FBXO25: variants seen among roughly 807,000 people sequenced by gnomAD.
FBXO25 encodes the protein F-box only protein 25.
In FBXO25, 45 loss-of-function variants were observed where a neutral mutation model predicts 51.9. The observed-to-expected ratio is 0.87, with a 90% confidence interval of 0.68 to 1.11. The LOEUF (loss-of-function observed/expected upper bound fraction) is 1.11. FBXO25 is among the 50% of genes most tolerant of loss of function. The pLI, the probability that FBXO25 is intolerant of heterozygous loss-of-function variation, is 0.00. For missense variants in FBXO25, 507 were observed against 428.5 expected, an observed-to-expected ratio of 1.18 and a Z score of -1.62; for synonymous variants, 199 against 151.0, an observed-to-expected ratio of 1.32 and a Z score of -2.33.
Position 458,417 on chromosome 8 carries a change from A to T in FBXO25, c.709A>T (p.Asn237Tyr), listed in dbSNP as rs777842382. 6.2e-7 allele frequency: 1 copy of T among 1,614,184 alleles called. No individual in the cohort carries two copies. Among genetic ancestry groups the T allele is most frequent in the Non-Finnish European group, 8.5e-7 (1 of 1,180,014 alleles). The change falls in exon 8 of 10, where the codon AAC becomes TAC. Residue 237 changes from asparagine to tyrosine, a missense_variant. Asn to Tyr is a moderately radical substitution (Grantham distance 143, BLOSUM62 -2). Transcript: ENST00000350302. ...TLSDLPLHML[N>Y]NILYRFSDGW... ...CAGTGACCTTCCTCTGCACATGCTG[A>T]ACAACATCCTATACCGGTTCTCAGA...
intron 2 of FBXO25, among the ~76,000 whole-genome samples, chr8:424,665 T>C (rs1797363110): frequency 6.6e-6 from 1 of 152,212 alleles, no homozygotes; most frequent in Non-Finnish European, 1.5e-5. Flanking sequence ...AAAGATTGAA[T>C]GGTTGTAGGT....
chr8:413,650 G>A (rs1489389434), intron 2 of FBXO25, among the ~76,000 whole-genome samples: 1 of 152,114 alleles, frequency 6.6e-6, no homozygotes, highest in Non-Finnish European at 1.5e-5. Flanking sequence ...CTGTCTTGTC[G>A]CTCTGCCATC....
chr8:436,278 T>A (rs1798097785), intron 5 of FBXO25, among the ~76,000 whole-genome samples: 1 of 152,200 alleles, frequency 6.6e-6, no homozygotes, highest in Non-Finnish European at 1.5e-5. Flanking sequence ...GTCCAAAGAT[T>A]AATTACTATG....
chr8:463,265 A>C, intron 9 of FBXO25, 115 bp downstream of exon 9: 1 of 1,147,034 alleles, frequency 8.7e-7, no homozygotes, highest in Non-Finnish European at 1.3e-6. Context: ...GTTATAAGTA[A>C]GTTAAGGAGA....
At chr8:410,361 C>G (rs1313589290) in intron 1 of FBXO25, among the ~76,000 whole-genome samples, 2 of 151,972 alleles carry the variant, frequency 1.3e-5, no homozygotes, top group African/African-American at 4.8e-5. Context: ...AGTTGGTGCT[C>G]AAATGTTTGT....
Position 474,896 on chromosome 8 carries a change from C to T in FBXO25, c.*6092C>T, listed in dbSNP as rs1431582497. ...ATATCTAAGAAATCACTGCCTCACC[C>T]TTTTCAGATATATCATTTTAAAATA... On this transcript the variant is annotated 3_prime_UTR_variant, in exon 10 of 10. Transcript: ENST00000350302. The T allele has an allele frequency of 2.2e-6, 1 of 455,474 alleles. No individual in the cohort carries two copies. Among genetic ancestry groups the T allele is most frequent in the Non-Finnish European group, 4.4e-6 (1 of 226,898 alleles). The allele number at this position is 455,474 out of a possible 1,614,324, so 28.2% of individuals were successfully genotyped here. A position where few individuals can be genotyped will look rare whatever the true frequency, so the allele number is the denominator to read the frequency against.
At chr8:438,244 A>C (rs1210576796) in intron 5 of FBXO25, among the ~76,000 whole-genome samples, 1 of 152,038 alleles carries the variant, frequency 6.6e-6, no homozygotes, top group Non-Finnish European at 1.5e-5. Flanking sequence ...TTTTTAGTAG[A>C]GATGGGGTTT....
intron 2 of FBXO25, 130 bp downstream of exon 2, chr8:413,343 A>G: frequency 7.4e-7 from 1 of 1,343,778 alleles, no homozygotes; most frequent in South Asian, 2.6e-5. Flanking sequence ...GTGAAGAGAC[A>G]AGTTGTTTAG....
At chr8:445,151 C>T (rs922835621) in intron 5 of FBXO25, among the ~76,000 whole-genome samples, 12 of 152,196 alleles carry the variant, frequency 7.9e-5, no homozygotes, top group African/African-American at 2.9e-4. Flanking sequence ...CGGCCCTTCT[C>T]ACCTCTATGC....
At chr8:434,867 A>C (rs1798008993) in intron 4 of FBXO25, among the ~76,000 whole-genome samples, 1 of 152,226 alleles carries the variant, frequency 6.6e-6, no homozygotes, top group Non-Finnish European at 1.5e-5. Flanking sequence ...TACAGTACTG[A>C]AAATAAATTG....
chr8:445,379 C>G (rs563184299), intron 5 of FBXO25, among the ~76,000 whole-genome samples: 103 of 152,304 alleles, frequency 6.8e-4, no homozygotes, highest in Non-Finnish European at 4.3e-4. Flanking sequence ...ATTCTCTGTT[C>G]TGGTATTTCT....
chr8:427,504 T>G (rs1407880350), intron 2 of FBXO25, among the ~76,000 whole-genome samples: 1 of 151,566 alleles, frequency 6.6e-6, no homozygotes, highest in Non-Finnish European at 1.5e-5. Context: ...TGAAGTAACT[T>G]GAAAAGATAG....
chr8:475,165 A>C lies in FBXO25; in HGVS notation c.*6361A>C. ...GTGAGGTAGATCTAGCTTCATGTGG[A>C]TGTCCACTTGTCTAGCACCATTTGT... On this transcript the variant is annotated 3_prime_UTR_variant, in exon 10 of 10. Coordinates refer to ENST00000350302, the MANE Select transcript of FBXO25 (RefSeq NM_183420.2). 1 of 346,970 alleles carries C rather than the reference A, an allele frequency of 2.9e-6. No individual in the cohort carries two copies. The highest frequency in any genetic ancestry group is 2.3e-5 in the South Asian group (1 of 43,132). 21.5% of individuals were successfully genotyped at this position (346,970 alleles called of 1,614,324 possible). A position where few individuals can be genotyped will look rare whatever the true frequency, so the allele number is the denominator to read the frequency against.
In FBXO25 at chr8:477,916, T is replaced by C. The variant is rs1292003712; in HGVS notation, c.*9112T>C. ...GCCTGTATTTCACTTGCCAACCTGA[T>C]TTATACTTTTGTATCTATTTGACAT... On this transcript the variant is annotated 3_prime_UTR_variant, in exon 10 of 10. Coordinates refer to ENST00000350302, the MANE Select transcript of FBXO25 (RefSeq NM_183420.2). 1.3e-5 allele frequency: 2 copies of C among 152,242 alleles called. No individual in the cohort carries two copies. Among genetic ancestry groups the C allele is most frequent in the Non-Finnish European group, 2.9e-5 (2 of 68,032 alleles). The allele number at this position is 152,242 out of a possible 1,614,324, so 9.4% of individuals were successfully genotyped here. A position where few individuals can be genotyped will look rare whatever the true frequency, so the allele number is the denominator to read the frequency against.
At chr8:462,053 A>G (rs1360913026) in intron 8 of FBXO25, among the ~76,000 whole-genome samples, 6 of 152,180 alleles carry the variant, frequency 3.9e-5, no homozygotes, top group Non-Finnish European at 8.8e-5. Context: ...GATTCTGTTT[A>G]ACTTTTTGAG....
intron 9 of FBXO25, 52 bp downstream of exon 9, chr8:463,202 A>T (rs763597845): frequency 6.4e-7 from 1 of 1,574,724 alleles, no homozygotes; most frequent in African/African-American, 1.4e-5. Flanking sequence ...TTGGTGAAAC[A>T]AACTAATCAC....
chr8:415,690 G>A (rs1246813317), intron 2 of FBXO25, among the ~76,000 whole-genome samples: 1 of 152,174 alleles, frequency 6.6e-6, no homozygotes, highest in East Asian at 1.9e-4. Flanking sequence ...CCCTGAGAAG[G>A]ACTCTGAGGG....
At chr8:452,519 G>A (rs1799161071) in intron 7 of FBXO25, among the ~76,000 whole-genome samples, 1 of 152,216 alleles carries the variant, frequency 6.6e-6, no homozygotes, top group Non-Finnish European at 1.5e-5. Context: ...AGGCCACATG[G>A]CCAAAGTCCC....
chr8:476,155 T>TA lies in FBXO25; in HGVS notation c.*7352dup, dbSNP rs1484211894. ...TTTTTCCTTCATTCTATTAATGTAATAGACATTACATTTATTGACTTGAGC... is the reference window on the plus strand; with the variant it reads ...TTTTTCCTTCATTCTATTAATGTAATAAGACATTACATTTATTGACTTGAGC... On this transcript the variant is annotated 3_prime_UTR_variant, in exon 10 of 10. Coordinates refer to ENST00000350302, the MANE Select transcript of FBXO25 (RefSeq NM_183420.2). 34 of 152,282 alleles carry TA rather than the reference T, an allele frequency of 2.2e-4. No homozygotes were observed. In the East Asian group the frequency reaches 2.9e-3, roughly 13 times the overall value. The allele number at this position is 152,282 out of a possible 1,614,324, so 9.4% of individuals were successfully genotyped here.
Sources: allele counts gnomAD v4.1 joint callset (sites outside exome capture counted in the v4.1 genomes callset), GRCh38; gene constraint gnomAD v4.1.1; transcripts MANE v1.5; gene names NCBI Gene and HGNC (gene_info 2026-07-23, HGNC 2026-07-21).